INPP4B: variants seen among roughly 807,000 people sequenced by gnomAD.
INPP4B encodes the protein inositol polyphosphate 4-phosphatase type II.
A neutral mutation model predicts 122.5 loss-of-function variants in INPP4B; 55 were observed. That is an observed-to-expected ratio of 0.45 (90% CI 0.36 to 0.56). INPP4B has a LOEUF of 0.56. INPP4B is among the 20% of genes least tolerant of loss of function. INPP4B has a pLI of 0.00. For synonymous variants in INPP4B, 403 were observed against 388.7 expected (o/e 1.04, Z -0.43); for missense variants, 1,000 against 1,097.7 (o/e 0.91, Z 1.26).
chr4:142,591,329 GAAGA>G (rs1282328102), intron 2 of INPP4B, among the ~76,000 whole-genome samples: 6 of 151,928 alleles, frequency 3.9e-5, no homozygotes, highest in Admixed American at 2.0e-4. Context: ...TTATTCAAAA[GAAGA>G]AAGGGAACAA....
At chr4:142,811,738 T>C (rs1014713445) in intron 1 of INPP4B, among the ~76,000 whole-genome samples, 2 of 152,190 alleles carry the variant, frequency 1.3e-5, no homozygotes, top group African/African-American at 2.4e-5. Context: ...ATAACTCAGC[T>C]GACCATCTGG....
At chr4:142,316,513 T>A (rs184894087) in intron 7 of INPP4B, among the ~76,000 whole-genome samples, 2 of 146,202 alleles carry the variant, frequency 1.4e-5, no homozygotes, top group African/African-American at 4.8e-5. Context: ...TACATATTAG[T>A]ATAAAGTGCT....
At chr4:142,209,451 T>C (rs1843931652) in intron 12 of INPP4B, among the ~76,000 whole-genome samples, 1 of 151,910 alleles carries the variant, frequency 6.6e-6, no homozygotes, top group African/African-American at 2.4e-5. Flanking sequence ...ATGAGATACT[T>C]AGTCAATTCA....
At chr4:142,694,456 T>C (rs1192626193) in intron 2 of INPP4B, among the ~76,000 whole-genome samples, 1 of 152,080 alleles carries the variant, frequency 6.6e-6, no homozygotes, top group Admixed American at 6.5e-5. Context: ...TAATAATCTT[T>C]AATAAATAAA....
At chr4:142,130,311 G>A (rs983614764) in intron 18 of INPP4B, among the ~76,000 whole-genome samples, 2 of 152,140 alleles carry the variant, frequency 1.3e-5, no homozygotes, top group Admixed American at 6.6e-5. Context: ...GGAGAAACAG[G>A]GGGTACTGGA....
intron 5 of INPP4B, among the ~76,000 whole-genome samples, chr4:142,425,650 C>A (rs1289137096): frequency 6.6e-6 from 1 of 151,942 alleles, no homozygotes; most frequent in Admixed American, 6.6e-5. Flanking sequence ...TGCATAAGCA[C>A]CTAGAGGTCT....
intron 2 of INPP4B, among the ~76,000 whole-genome samples, chr4:142,694,836 C>T (rs1580723106): frequency 2.0e-5 from 3 of 152,106 alleles, no homozygotes; most frequent in Admixed American, 2.0e-4. Flanking sequence ...AATATATTTG[C>T]TTTTACTGCA....
intron 7 of INPP4B, among the ~76,000 whole-genome samples, chr4:142,346,875 TA>T (rs1200782871): frequency 6.6e-5 from 10 of 152,134 alleles, no homozygotes; most frequent in African/African-American, 2.2e-4. Flanking sequence ...ACACAGGAGT[TA>T]GGGGTTAGTG....
intron 16 of INPP4B, among the ~76,000 whole-genome samples, chr4:142,166,648 A>C (rs1822873590): frequency 6.6e-6 from 1 of 151,890 alleles, no homozygotes; most frequent in African/African-American, 2.4e-5. Flanking sequence ...CCATCTGACA[A>C]AGGTCTAATA....
At chr4:142,774,715 A>T (rs1773585189) in intron 1 of INPP4B, among the ~76,000 whole-genome samples, 1 of 152,044 alleles carries the variant, frequency 6.6e-6, no homozygotes, top group South Asian at 2.1e-4. Context: ...TCTCTTTTTT[A>T]AATGAGTTCC....
At chr4:142,070,175 G>C (rs1766235183) in intron 25 of INPP4B, among the ~76,000 whole-genome samples, 1 of 152,106 alleles carries the variant, frequency 6.6e-6, no homozygotes, top group Non-Finnish European at 1.5e-5. Flanking sequence ...TGCAAGGCTG[G>C]TTCAACATAC....
At chr4:142,173,855 A>T in intron 15 of INPP4B, 46 bp from the exon 16 acceptor site, 1 of 1,470,186 alleles carries the variant, frequency 6.8e-7, no homozygotes, top group South Asian at 1.1e-5. Context: ...AGCATAATGA[A>T]TGTTCAGCCC....
At chr4:142,498,252 G>C (rs1250907516) in intron 2 of INPP4B, among the ~76,000 whole-genome samples, 4 of 149,862 alleles carry the variant, frequency 2.7e-5, no homozygotes, top group Admixed American at 2.0e-4. Flanking sequence ...TCTTGGGAGA[G>C]TTCATCAGGG....
intron 2 of INPP4B, among the ~76,000 whole-genome samples, chr4:142,523,129 G>C (rs968338379): frequency 3.9e-5 from 6 of 152,156 alleles, no homozygotes; most frequent in African/African-American, 1.4e-4. Flanking sequence ...GTTTAGGACA[G>C]AGGTTCTCAA....
intron 1 of INPP4B, among the ~76,000 whole-genome samples, chr4:142,780,526 C>T (rs1481669185): frequency 1.3e-5 from 2 of 152,042 alleles, no homozygotes; most frequent in Non-Finnish European, 2.9e-5. Flanking sequence ...AGGCCAGGCA[C>T]GGTGGCTCAC....
chr4:142,156,828 T>C (rs149120356), intron 17 of INPP4B, among the ~76,000 whole-genome samples: 153 of 152,226 alleles, frequency 1.0e-3, no homozygotes, highest in African/African-American at 3.6e-3. Flanking sequence ...CCGGGTAGGA[T>C]TTAAGTGTAA....
intron 2 of INPP4B, among the ~76,000 whole-genome samples, chr4:142,648,388 AG>A (rs1752250835): frequency 6.6e-6 from 1 of 152,170 alleles, no homozygotes; most frequent in Non-Finnish European, 1.5e-5. Flanking sequence ...AGGAAGCACA[AG>A]GGGTTGGGGT....
intron 3 of INPP4B, among the ~76,000 whole-genome samples, chr4:142,453,929 T>C (rs1340736230): frequency 6.6e-6 from 1 of 152,154 alleles, no homozygotes; most frequent in Non-Finnish European, 1.5e-5. Flanking sequence ...GAGCAACTCA[T>C]GGGACTAGAG....
Position 142,270,723 on chromosome 4 carries a change from C to T in INPP4B, c.555G>A (p.Lys185=), listed in dbSNP as rs2150567497. ...CTTCCCCATCCTCAATCTCCCCCATCTTCACGACACTGACTTCTATGGTGC... is the reference window on the plus strand; with the variant it reads ...CTTCCCCATCCTCAATCTCCCCCATTTTCACGACACTGACTTCTATGGTGC... The part of the protein sequence containing the change: ...VVGTIEVSVV[K]MGEIEDGEAD... Residue 185 remains lysine (K), a synonymous_variant, in exon 10 of 26, where the codon AAG becomes AAA. Coordinates refer to ENST00000262992, the MANE Select transcript of INPP4B (RefSeq NM_001101669.3). 1.2e-6 allele frequency: 2 copies of T among 1,614,076 alleles called. No individual in the cohort carries two copies. The highest frequency in any genetic ancestry group is 1.7e-6 in the Non-Finnish European group (2 of 1,179,984).
Sources: gnomAD v4.1 joint callset for allele counts (sites outside exome capture counted in the v4.1 genomes callset) on GRCh38, gnomAD v4.1.1 for gene constraint, MANE v1.5 for transcripts, NCBI Gene and HGNC (gene_info 2026-07-23, HGNC 2026-07-21) for gene names.